The following PATJ variants were observed in gnomAD, a reference collection of about 807,000 sequenced individuals.
The protein encoded by PATJ is inaD-like protein.
A neutral mutation model predicts 224.9 loss-of-function variants in PATJ; 190 were observed. The ratio of observed to expected loss-of-function variants is 0.84; its 90% CI spans 0.75 to 0.95. The LOEUF is 0.95. Among genes scored for constraint, PATJ ranks in the 40% least tolerant of loss-of-function variants. The pLI is 0.00. For missense variants in PATJ, 2,121 were observed against 2,270.3 expected, an observed-to-expected ratio of 0.93 and a Z score of 1.34; for synonymous variants, 769 against 820.3, an observed-to-expected ratio of 0.94 and a Z score of 1.07.
chr1:61,882,248 G>C (rs1668204112), intron 21 of PATJ, among the ~76,000 whole-genome samples: 1 of 152,100 alleles, frequency 6.6e-6, no homozygotes, highest in African/African-American at 2.4e-5. Context: ...GAGTGGTCAG[G>C]CTGACTGTTT....
chr1:61,974,657 A>G (rs978567255), intron 27 of PATJ, among the ~76,000 whole-genome samples: 11 of 152,136 alleles, frequency 7.2e-5, no homozygotes, highest in South Asian at 6.2e-4. Context: ...CTCTCAAGGC[A>G]GGAAGCCTGT....
chr1:61,875,797 TAC>T (rs1308099831), intron 21 of PATJ, among the ~76,000 whole-genome samples: 5 of 152,196 alleles, frequency 3.3e-5, no homozygotes, highest in African/African-American at 9.6e-5. Context: ...AGCCATATAT[TAC>T]AGTCAATTTT....
At chr1:61,840,253 G>T (rs1660869382) in intron 17 of PATJ, among the ~76,000 whole-genome samples, 3 of 151,892 alleles carry the variant, frequency 2.0e-5, no homozygotes, top group South Asian at 4.1e-4. Flanking sequence ...TCTTTAAGTT[G>T]TCTTTTTCCT....
intron 1 of PATJ, among the ~76,000 whole-genome samples, chr1:61,747,355 C>T (rs1645073468): frequency 1.3e-5 from 2 of 151,850 alleles, no homozygotes; most frequent in African/African-American, 2.4e-5. Flanking sequence ...TTTTTGTGTT[C>T]GTACAGCTGT....
intron 15 of PATJ, among the ~76,000 whole-genome samples, chr1:61,824,006 T>C (rs1010892160): frequency 4.6e-5 from 7 of 152,170 alleles, no homozygotes; most frequent in Admixed American, 1.3e-4. Context: ...AAGGGAATGG[T>C]ATTAGGTTTC....
intron 27 of PATJ, among the ~76,000 whole-genome samples, chr1:61,981,562 G>GA (rs1269419981): frequency 6.6e-6 from 1 of 151,738 alleles, no homozygotes; most frequent in African/African-American, 2.4e-5. Flanking sequence ...AAGACCCAGG[G>GA]AAAACTGTGT....
At chr1:61,769,927 C>T (rs570712335) in intron 5 of PATJ, among the ~76,000 whole-genome samples, 2 of 152,228 alleles carry the variant, frequency 1.3e-5, no homozygotes, top group Admixed American at 1.3e-4. Flanking sequence ...AGAGGCCCCT[C>T]AAGTCTATGT....
chr1:62,067,428 C>T (rs1308596554), intron 31 of PATJ, among the ~76,000 whole-genome samples: 4 of 151,974 alleles, frequency 2.6e-5, no homozygotes, highest in East Asian at 1.9e-4. Flanking sequence ...CGCCCAGCCC[C>T]GATAATCCTA....
At chr1:62,112,934 C>G (rs1215199516) in intron 34 of PATJ, among the ~76,000 whole-genome samples, 3 of 152,210 alleles carry the variant, frequency 2.0e-5, no homozygotes, top group Non-Finnish European at 4.4e-5. Context: ...CACCTGCTAG[C>G]TGTGTAACCT....
intron 21 of PATJ, among the ~76,000 whole-genome samples, chr1:61,882,891 C>A (rs1668296435): frequency 2.0e-5 from 3 of 152,264 alleles, no homozygotes; most frequent in South Asian, 2.1e-4. Context: ...AACAATAAAC[C>A]ATTATAACAC....
chr1:62,146,074 G>T (rs989423428), intron 41 of PATJ, among the ~76,000 whole-genome samples: 2 of 152,158 alleles, frequency 1.3e-5, no homozygotes, highest in African/African-American at 2.4e-5. Context: ...GGTTAGAGTG[G>T]CCAGGGAAGG....
chr1:61,960,352 T>G (rs1368965441), intron 27 of PATJ, among the ~76,000 whole-genome samples: 2 of 152,178 alleles, frequency 1.3e-5, no homozygotes, highest in Non-Finnish European at 2.9e-5. Flanking sequence ...TACACAAATC[T>G]GAGTTCAGCA....
At chr1:62,008,748 CAAAA>C (rs1174065070) in intron 28 of PATJ, among the ~76,000 whole-genome samples, 3 of 151,528 alleles carry the variant, frequency 2.0e-5, no homozygotes, top group Non-Finnish European at 2.9e-5. Context: ...GACCCTGACT[CAAAA>C]ATAAATAAAT....
chr1:62,147,810 A>AG, intron 41 of PATJ, among the ~76,000 whole-genome samples: 1 of 151,958 alleles, frequency 6.6e-6, no homozygotes. Flanking sequence ...AAAAAAAAAA[A>AG]AAATTAGCCA....
At chr1:61,748,991 C>CT (rs374964211) in intron 1 of PATJ, among the ~76,000 whole-genome samples, 21 of 150,142 alleles carry the variant, frequency 1.4e-4, no homozygotes, top group African/African-American at 4.9e-4. Context: ...TTTTTTTTTT[C>CT]TTTTTTTTCT....
chr1:62,136,308 A>G (rs1666858842), intron 41 of PATJ, among the ~76,000 whole-genome samples: 1 of 152,042 alleles, frequency 6.6e-6, no homozygotes, highest in Admixed American at 6.6e-5. Context: ...CTGGGATTAC[A>G]GGTGTGAGCC....
intron 41 of PATJ, among the ~76,000 whole-genome samples, chr1:62,147,033 C>A: frequency 6.6e-6 from 1 of 152,064 alleles, no homozygotes. Flanking sequence ...CCAGTGACAA[C>A]TGGATCCATA....
Position 62,158,731 on chromosome 1 carries a change from C to CAAA in PATJ, c.5503-2170_5503-2168dup, listed in dbSNP as rs34869231. On this transcript the variant is annotated intron_variant, in intron 43 of 43. Coordinates refer to ENST00000642238, the MANE Select transcript of PATJ (RefSeq NM_001350145.3). Reference sequence around the variant, plus strand: ...GCGAGACTCTGTCTCAAAAAAAAAACAAAAAAAAAGAGTTCGAGACCAGCT... The same window carrying CAAA: ...GCGAGACTCTGTCTCAAAAAAAAAACAAAAAAAAAAAAGAGTTCGAGACCAGCT... Among the ~76,000 whole-genome samples, 7 of 120,906 alleles carry CAAA rather than the reference C, an allele frequency of 5.8e-5. No homozygotes were observed. The South Asian group carries it at 1.9e-3, about 32-fold the overall frequency. The allele number at this position is 120,906 out of a possible 152,430, so 79.3% of individuals were successfully genotyped here. A position where few individuals can be genotyped will look rare whatever the true frequency, so the allele number is the denominator to read the frequency against.
At chr1:62,051,112 A>G (rs1173307258) in intron 31 of PATJ, 54 bp downstream of exon 31, 14 of 1,314,302 alleles carry the variant, frequency 1.1e-5, no homozygotes, top group African/African-American at 4.4e-5. Context: ...TGTATCACTT[A>G]TATTTTGTAC....
Sources: gnomAD v4.1 joint callset for allele counts (sites outside exome capture counted in the v4.1 genomes callset) on GRCh38, gnomAD v4.1.1 for gene constraint, MANE v1.5 for transcripts, NCBI Gene and HGNC (gene_info 2026-07-23, HGNC 2026-07-21) for gene names.